COP1: variants seen among roughly 807,000 people sequenced by gnomAD.
The protein encoded by COP1 is COP1 E3 ubiquitin ligase.
A neutral mutation model predicts 101.3 loss-of-function variants in COP1; 24 were observed. That is an observed-to-expected ratio of 0.24 (90% CI 0.17 to 0.33). The LOEUF is 0.33. COP1 is among the 10% of genes least tolerant of loss of function. COP1 has a pLI of 1.00. For synonymous variants in COP1, 347 were observed against 341.9 expected (o/e 1.01, Z -0.17); for missense variants, 663 against 906.2 (o/e 0.73, Z 3.45).
intron 11 of COP1, among the ~76,000 whole-genome samples, chr1:176,066,852 A>T (rs1269268734): frequency 6.6e-6 from 1 of 152,170 alleles, no homozygotes; most frequent in East Asian, 1.9e-4. Context: ...CAGCACTAAG[A>T]CAAGTAAGTT....
At chr1:176,025,406 T>C (rs1349207984) in intron 15 of COP1, among the ~76,000 whole-genome samples, 1 of 144,458 alleles carries the variant, frequency 6.9e-6, no homozygotes, top group Non-Finnish European at 1.5e-5. Flanking sequence ...ATTTATAAGG[T>C]CCCAAGATAC....
At chr1:176,032,680 C>T (rs1181876074) in intron 14 of COP1, among the ~76,000 whole-genome samples, 1 of 151,986 alleles carries the variant, frequency 6.6e-6, no homozygotes, top group East Asian at 1.9e-4. Flanking sequence ...TCTCCCAAAC[C>T]AAGCGACTGC....
In COP1 at chr1:176,008,913, G is replaced by T. The variant is rs186455662; in HGVS notation, c.1729+18659C>A. Among the ~76,000 whole-genome samples, 333 of 152,320 alleles carry T rather than the reference G, an allele frequency of 2.2e-3. 1 individual carries two copies. Among genetic ancestry groups the T allele is most frequent in the African/African-American group, 7.6e-3 (317 of 41,572 alleles). The stretch of plus-strand genomic sequence containing the variant: ...GGTCAGCAACACTTAGCAGTAACAA[G>T]ATTTCCTTAATGCTTTGCACGATTT... On this transcript the variant is annotated intron_variant, in intron 15 of 19. Transcript: ENST00000367669.
chr1:176,173,713 C>T (rs974968681), intron 3 of COP1, among the ~76,000 whole-genome samples: 4 of 151,106 alleles, frequency 2.6e-5, no homozygotes, highest in Non-Finnish European at 4.4e-5. Context: ...TAAGGCCAGG[C>T]GCAATGACTC....
intron 5 of COP1, among the ~76,000 whole-genome samples, chr1:176,151,329 AAG>A (rs1308358650): frequency 2.1e-5 from 3 of 145,406 alleles, no homozygotes; most frequent in Non-Finnish European, 3.0e-5. Context: ...GAAGGAAAGA[AAG>A]AAAGAAGGAA....
chr1:176,178,338 CAAA>C (rs11409695), intron 2 of COP1, among the ~76,000 whole-genome samples: 1 of 111,492 alleles, frequency 9.0e-6, no homozygotes, highest in Non-Finnish European at 2.1e-5. Context: ...TCTGTCTCTA[CAAA>C]AAAAAAAAAA....
chr1:176,173,381 AT>A (rs1364766411), intron 3 of COP1, among the ~76,000 whole-genome samples: 2 of 150,756 alleles, frequency 1.3e-5, no homozygotes, highest in Non-Finnish European at 2.9e-5. Flanking sequence ...CACATCTGTA[AT>A]CCCGACACTT....
chr1:176,187,408 TG>T, intron 1 of COP1, among the ~76,000 whole-genome samples: 1 of 146,854 alleles, frequency 6.8e-6, no homozygotes, highest in Non-Finnish European at 1.5e-5. Context: ...TATACGTGTG[TG>T]TGTGTGTGTG....
intron 15 of COP1, among the ~76,000 whole-genome samples, chr1:176,006,683 C>T (rs1442852504): frequency 1.3e-5 from 2 of 152,194 alleles, no homozygotes; most frequent in South Asian, 2.1e-4. Context: ...GGCACCCACT[C>T]TCTTCTGGCT....
At chr1:176,099,505 G>GTCTCTC (rs145354415) in intron 9 of COP1, among the ~76,000 whole-genome samples, 2,547 of 143,844 alleles carry the variant, frequency 0.018, 64 homozygotes, top group Middle Eastern at 0.059. Flanking sequence ...GAGCATATTT[G>GTCTCTC]TCTCTCTCTC....
intron 1 of COP1, among the ~76,000 whole-genome samples, chr1:176,196,628 T>C (rs376907995): frequency 5.2e-4 from 79 of 152,226 alleles, no homozygotes; most frequent in African/African-American, 1.7e-3. Context: ...ATACAAAATA[T>C]ATGAAGACCC....
chr1:176,192,731 T>C (rs771230379), intron 1 of COP1, among the ~76,000 whole-genome samples: 10 of 152,082 alleles, frequency 6.6e-5, no homozygotes, highest in Non-Finnish European at 1.2e-4. Context: ...GGAATTTCTA[T>C]TACAGTATAA....
chr1:176,088,886 TC>T (rs1680721604), intron 9 of COP1, among the ~76,000 whole-genome samples: 1 of 150,790 alleles, frequency 6.6e-6, no homozygotes, highest in South Asian at 2.1e-4. Flanking sequence ...TCCCAGCTAC[TC>T]GGGAGGCTGA....
At chr1:176,114,225 T>A (rs965824557) in intron 9 of COP1, among the ~76,000 whole-genome samples, 2 of 152,160 alleles carry the variant, frequency 1.3e-5, no homozygotes. Flanking sequence ...TTCCATTATG[T>A]CTTACAAAAA....
At chr1:175,947,131 T>C (rs6674353) in intron 19 of COP1, 64 bp downstream of exon 19, 1,067,472 of 1,097,546 alleles carry the variant, frequency 0.97, 520,873 homozygotes, top group East Asian at 1. Context: ...GGTGTATTTC[T>C]ATAATCCTGT....
intron 5 of COP1, among the ~76,000 whole-genome samples, chr1:176,161,639 C>CTTATATTACTTAT (rs1424049014): frequency 2.6e-5 from 4 of 151,932 alleles, no homozygotes; most frequent in Non-Finnish European, 5.9e-5. Context: ...TACTTATCAC[C>CTTATATTACTTAT]ATGTGAAAAT....
intron 6 of COP1, among the ~76,000 whole-genome samples, chr1:176,140,484 G>A (rs1690501179): frequency 6.6e-6 from 1 of 152,156 alleles, no homozygotes; most frequent in Admixed American, 6.5e-5. Flanking sequence ...TCCATTTTAA[G>A]ATGAGAATTC....
intron 11 of COP1, among the ~76,000 whole-genome samples, chr1:176,077,256 A>C (rs1021529862): frequency 3.9e-5 from 6 of 152,148 alleles, no homozygotes; most frequent in African/African-American, 1.4e-4. Context: ...CAGCTTACAA[A>C]ATACTTGTAA....
rs1469863897 is a variant in COP1 at position 176,149,059 on chromosome 1, G to C, written c.778C>G (p.Gln260Glu). 1 of 1,581,942 alleles carries C rather than the reference G, an allele frequency of 6.3e-7. No homozygotes were observed. The highest frequency in any genetic ancestry group is 8.6e-7 in the Non-Finnish European group (1 of 1,159,668). Residue 260 changes from glutamine (Q) to glutamate (E), a missense_variant, in exon 6 of 20, where the codon CAA becomes GAA. Physicochemically the swap from Gln to Glu is conservative, Grantham distance 29 (BLOSUM62 2). Coordinates refer to ENST00000367669, the MANE Select transcript of COP1 (RefSeq NM_022457.7). ...KQLEAESHAA[Q>E]LQILMEFLKV... ...AGGAATTCCATAAGAATCTGTAGTTGGGCTGCATGTGATTCCTACAATAGA... is the reference window on the plus strand; with the variant it reads ...AGGAATTCCATAAGAATCTGTAGTTCGGCTGCATGTGATTCCTACAATAGA...
Sources: gnomAD v4.1 joint callset for allele counts (sites outside exome capture counted in the v4.1 genomes callset) on GRCh38, gnomAD v4.1.1 for gene constraint, MANE v1.5 for transcripts, NCBI Gene and HGNC (gene_info 2026-07-23, HGNC 2026-07-21) for gene names.